Variants in WDR37 observed in about 807,000 individuals in gnomAD.
WDR37 encodes WD repeat-containing protein 37.
In WDR37, 19 loss-of-function variants were observed where a neutral mutation model predicts 62.9. The ratio of observed to expected loss-of-function variants is 0.30; its 90% confidence interval spans 0.21 to 0.44. The LOEUF (loss-of-function observed/expected upper bound fraction) is 0.44, where lower values mean the gene tolerates loss of function less well. Among genes scored for constraint, WDR37 ranks in the 20% least tolerant of loss-of-function variants. WDR37 has a pLI of 1.00. For missense variants in WDR37, 474 were observed against 657.6 expected (o/e 0.72, Z 3.05); for synonymous variants, 250 against 260.9 (o/e 0.96, Z 0.40).
At chr10:1,062,826 G>C (rs558038612) in intron 1 of WDR37, among the ~76,000 whole-genome samples, 1 of 152,124 alleles carries the variant, frequency 6.6e-6, no homozygotes, top group Non-Finnish European at 1.5e-5. Flanking sequence ...AGTGGCTCAC[G>C]CCTGTAATCC....
chr10:1,124,042 C>G, intron 11 of WDR37, 176 bp from the exon 12 acceptor site: 1 of 699,588 alleles, frequency 1.4e-6, no homozygotes, highest in South Asian at 1.9e-5. Flanking sequence ...AATCAGTTGT[C>G]CTTTTCTTGC....
At chr10:1,109,902 TG>T (rs930052289) in intron 11 of WDR37, among the ~76,000 whole-genome samples, 10 of 152,120 alleles carry the variant, frequency 6.6e-5, no homozygotes, top group African/African-American at 2.4e-4. Context: ...GAATCAGGTG[TG>T]GGGGTAGAGT....
intron 2 of WDR37, among the ~76,000 whole-genome samples, chr10:1,073,711 A>T (rs1255691804): frequency 6.6e-6 from 1 of 152,184 alleles, no homozygotes; most frequent in East Asian, 1.9e-4. Flanking sequence ...AGGTGTGAGC[A>T]GGGCTAGTTC....
Position 1,129,635 on chromosome 10 carries a change from G to C in WDR37, c.*291G>C, listed in dbSNP as rs542462450. ...GCTTGTGAGTTGTTGACATTGGACA[G>C]GTGAACAGTAGGGCATTACATTTGT... On this transcript the variant is annotated 3_prime_UTR_variant, in exon 14 of 14. Coordinates refer to ENST00000263150, the MANE Select transcript of WDR37 (RefSeq NM_014023.4). 4 of 308,302 alleles carry C rather than the reference G, an allele frequency of 1.3e-5. No homozygotes were observed. In the South Asian group the frequency reaches 1.8e-4, roughly 14 times the overall value. 19.1% of individuals were successfully genotyped at this position (308,302 alleles called of 1,614,324 possible).
intron 8 of WDR37, among the ~76,000 whole-genome samples, chr10:1,095,033 G>A (rs1589102678): frequency 1.3e-5 from 2 of 151,636 alleles, no homozygotes; most frequent in Non-Finnish European, 2.9e-5. Context: ...ATGAGGTAAT[G>A]GGTATAGAGA....
chr10:1,066,671 C>T (rs1589076005), intron 1 of WDR37, among the ~76,000 whole-genome samples: 1 of 152,340 alleles, frequency 6.6e-6, no homozygotes, highest in South Asian at 2.1e-4. Flanking sequence ...TAATAGGAAT[C>T]ACTGTAACTG....
intron 1 of WDR37, among the ~76,000 whole-genome samples, chr10:1,058,272 A>C (rs1224063294): frequency 6.6e-6 from 1 of 152,206 alleles, no homozygotes; most frequent in Non-Finnish European, 1.5e-5. Flanking sequence ...CATGGTGTTC[A>C]TATCAGCCTC....
Position 1,129,675 on chromosome 10 carries a change from AACTTCTGTAT to A in WDR37, c.*332_*341del. 2 of 199,890 alleles carry A rather than the reference AACTTCTGTAT, an allele frequency of 1.0e-5. No individual in the cohort carries two copies. The highest frequency in any genetic ancestry group is 1.0e-4 in the South Asian group (1 of 10,050). 12.4% of individuals were successfully genotyped at this position (199,890 alleles called of 1,614,324 possible). Reference sequence around the variant, plus strand: ...ATTACATTTGTGTGAATTAAATGTGAACTTCTGTATTACGTTGCGGCGTCGGCAGTCCTGC... The same window carrying A: ...ATTACATTTGTGTGAATTAAATGTGATACGTTGCGGCGTCGGCAGTCCTGC... On this transcript the variant is annotated 3_prime_UTR_variant, in exon 14 of 14. Coordinates refer to ENST00000263150, the MANE Select transcript of WDR37 (RefSeq NM_014023.4).
At chr10:1,070,478 TAGAAG>T (rs1399324399) in intron 1 of WDR37, among the ~76,000 whole-genome samples, 1 of 152,164 alleles carries the variant, frequency 6.6e-6, no homozygotes, top group African/African-American at 2.4e-5. Context: ...GAAAGACATT[TAGAAG>T]AGATATTTAG....
chr10:1,078,105 GCAAACT>G lies in WDR37; in HGVS notation c.235+103_235+108del. 4.5e-6 allele frequency: 4 copies of G among 895,768 alleles called. No homozygotes were observed. The South Asian group carries it at 8.1e-5, about 18-fold the overall frequency. The allele number at this position is 895,768 out of a possible 1,614,324, so 55.5% of individuals were successfully genotyped here. A position where few individuals can be genotyped will look rare whatever the true frequency, so the allele number is the denominator to read the frequency against. ...TATATTAGTTTTCTGTTCTGCTGTA[GCAAACT>G]TAAACTTATTTTAGTGGCTTAAACT... On this transcript the variant is annotated intron_variant, in intron 3 of 13. Coordinates refer to ENST00000263150, the MANE Select transcript of WDR37 (RefSeq NM_014023.4).
chr10:1,117,312 C>T (rs945966067), intron 11 of WDR37, among the ~76,000 whole-genome samples: 1 of 152,160 alleles, frequency 6.6e-6, no homozygotes. Flanking sequence ...GCCTCAGCCT[C>T]CAAAGTGCTG....
At chr10:1,114,444 A>G (rs776629365) in intron 11 of WDR37, among the ~76,000 whole-genome samples, 1 of 152,246 alleles carries the variant, frequency 6.6e-6, no homozygotes, top group African/African-American at 2.4e-5. Context: ...CAAAAAGATT[A>G]TGACTTACCA....
intron 5 of WDR37, among the ~76,000 whole-genome samples, chr10:1,083,970 G>T (rs973749243): frequency 6.6e-6 from 1 of 152,228 alleles, no homozygotes; most frequent in Admixed American, 6.5e-5. Context: ...CATGTACAGC[G>T]ATCAGTGTCA....
Position 1,132,014 on chromosome 10 carries a change from GA to G in WDR37, c.*2675del, listed in dbSNP as rs780464062. The G allele has an allele frequency of 3.3e-5, 5 of 152,586 alleles. No individual in the cohort carries two copies. The highest frequency in any genetic ancestry group is 7.3e-5 in the Non-Finnish European group (5 of 68,036). The allele number at this position is 152,586 out of a possible 1,614,324, so 9.5% of individuals were successfully genotyped here. ...TAAATCATTTGTTACTTAAGTCTGTGAAAAACATATTTCTTTGGAGGAAAAT... is the reference window on the plus strand; with the variant it reads ...TAAATCATTTGTTACTTAAGTCTGTGAAAACATATTTCTTTGGAGGAAAAT... On this transcript the variant is annotated 3_prime_UTR_variant, in exon 14 of 14. Transcript: ENST00000263150.
At chr10:1,096,282 G>C in intron 9 of WDR37, 36 bp downstream of exon 9, 5 of 1,592,532 alleles carry the variant, frequency 3.1e-6, no homozygotes, top group Non-Finnish European at 4.3e-6. Context: ...TGTGTAGGAT[G>C]CTGATGTCTG....
At chr10:1,082,460 A>C (rs1364738791) in intron 5 of WDR37, among the ~76,000 whole-genome samples, 1 of 152,218 alleles carries the variant, frequency 6.6e-6, no homozygotes, top group African/African-American at 2.4e-5. Flanking sequence ...TCCACAAAGA[A>C]AGACACTTAT....
rs76312690 is a variant in WDR37, at chr10:1,131,296, C to T, written c.*1952C>T. ...GCACAGGCCACCTGCTTGGGTTCCT[C>T]GGAGTTTAATTTGAAAGTCTGGGTG... is the stretch of plus-strand genomic sequence containing the variant. On this transcript the variant is annotated 3_prime_UTR_variant, in exon 14 of 14. Transcript: ENST00000263150. The T allele has an allele frequency of 0.093, 14,145 of 152,248 alleles. 1,198 individuals are homozygous for T. The highest frequency in any genetic ancestry group is 0.23 in the African/African-American group (9,571 of 41,496). The allele number at this position is 152,248 out of a possible 1,614,324, so 9.4% of individuals were successfully genotyped here.
chr10:1,084,794 C>T (rs985175082), intron 6 of WDR37, among the ~76,000 whole-genome samples: 2 of 152,200 alleles, frequency 1.3e-5, no homozygotes, highest in Non-Finnish European at 2.9e-5. Flanking sequence ...CCAGCTGCAT[C>T]CTGCATTCCA....
intron 7 of WDR37, among the ~76,000 whole-genome samples, chr10:1,089,666 TCGGCC>T (rs1834318752): frequency 3.3e-5 from 1 of 30,076 alleles, no homozygotes; most frequent in Non-Finnish European, 1.2e-4. Context: ...CACCCGCAGT[TCGGCC>T]TTCCCGTGCT....
Sources: allele counts gnomAD v4.1 joint callset (sites outside exome capture counted in the v4.1 genomes callset), GRCh38; gene constraint gnomAD v4.1.1; transcripts MANE v1.5; gene names NCBI Gene and HGNC (gene_info 2026-07-23, HGNC 2026-07-21).